Variants in SLC26A11 observed in about 807,000 individuals in gnomAD.
The protein encoded by SLC26A11 is sodium-independent sulfate anion transporter.
SLC26A11 carries 58 observed loss-of-function variants against 62.2 expected under a neutral mutation model. The ratio of observed to expected loss-of-function variants is 0.93; its 90% CI spans 0.76 to 1.16. The LOEUF is 1.16. Among genes scored for constraint, SLC26A11 ranks in the 50% most tolerant of loss-of-function variants. The pLI is 0.00. For synonymous variants in SLC26A11, 411 were observed against 368.9 expected (o/e 1.11, Z -1.31); for missense variants, 790 against 794.3 (o/e 0.99, Z 0.06).
At chr17:80,224,154 A>C (rs2042299835) in intron 5 of SLC26A11, among the ~76,000 whole-genome samples, 1 of 152,200 alleles carries the variant, frequency 6.6e-6, no homozygotes, top group African/African-American at 2.4e-5. Context: ...TACCATGAGA[A>C]GACCAAGGAC....
rs917286975 is a variant in SLC26A11 at position 80,235,808 on chromosome 17, C to T, written c.737-1120C>T. 3.3e-5 allele frequency among the ~76,000 whole-genome samples: 5 copies of T among 152,194 alleles called. No individual in the cohort carries two copies. In the South Asian group the frequency reaches 6.2e-4, roughly 19 times the overall value. ...TACAGTTAAGTTACTTAGGACAGTTCGATCCATTTAGGTCTTACTTTTAAG... is the reference window on the plus strand; with the variant it reads ...TACAGTTAAGTTACTTAGGACAGTTTGATCCATTTAGGTCTTACTTTTAAG... On this transcript the variant is annotated intron_variant, in intron 7 of 17. Transcript: ENST00000361193.
intron 9 of SLC26A11, among the ~76,000 whole-genome samples, chr17:80,239,887 C>G (rs956474617): frequency 6.6e-6 from 1 of 152,238 alleles, no homozygotes; most frequent in African/African-American, 2.4e-5. Flanking sequence ...TATATGAAAT[C>G]CAGATCTCAT....
intron 6 of SLC26A11, 85 bp from the exon 7 acceptor site, chr17:80,227,733 C>T (rs2042449147): frequency 6.5e-7 from 1 of 1,530,990 alleles, no homozygotes; most frequent in Non-Finnish European, 8.8e-7. Context: ...CTTAGTGCCT[C>T]TCAGCTTAAG....
At chr17:80,240,675 C>A (rs1451565396) in intron 9 of SLC26A11, among the ~76,000 whole-genome samples, 1 of 151,852 alleles carries the variant, frequency 6.6e-6, no homozygotes, top group African/African-American at 2.4e-5. Context: ...TGGTGGCATG[C>A]CCCTGTAGTC....
At chr17:80,224,720 T>A (rs1352123821) in intron 5 of SLC26A11, among the ~76,000 whole-genome samples, 3 of 152,154 alleles carry the variant, frequency 2.0e-5, no homozygotes, top group Non-Finnish European at 4.4e-5. Context: ...AACATCATTT[T>A]TGGTGTCAAG....
intron 11 of SLC26A11, chr17:80,245,486 AC>A (rs905477590): frequency 1.9e-6 from 1 of 538,418 alleles, no homozygotes; most frequent in African/African-American, 1.9e-5. Context: ...GCATTGTGGT[AC>A]ACCCTTGTTA....
At chr17:80,236,666 T>C in intron 7 of SLC26A11, 1 of 434,576 alleles carries the variant, frequency 2.3e-6, no homozygotes, top group East Asian at 3.5e-5. Flanking sequence ...TTTGCCGCGG[T>C]GCACGATGTC....
chr17:80,224,309 G>GAC (rs1491287146), intron 5 of SLC26A11, among the ~76,000 whole-genome samples: 2 of 142,538 alleles, frequency 1.4e-5, no homozygotes, highest in Non-Finnish European at 3.0e-5. Flanking sequence ...GTGTGTGTGT[G>GAC]AGAGAGTGTG....
intron 17 of SLC26A11, 148 bp downstream of exon 17, chr17:80,251,549 G>A: frequency 9.9e-7 from 1 of 1,013,054 alleles, no homozygotes; most frequent in Non-Finnish European, 1.4e-6. Context: ...GATCACCTGA[G>A]GTCAGGAGTT....
In SLC26A11 at chr17:80,246,228, C is replaced by A. The variant is rs927937230; in HGVS notation, c.1153+19C>A. 6.2e-7 allele frequency: 1 copy of A among 1,604,550 alleles called. No homozygotes were observed. On this transcript the variant is annotated intron_variant, in intron 12 of 17. Coordinates refer to ENST00000361193, the MANE Select transcript of SLC26A11 (RefSeq NM_001166347.2). This position sits in a 1 kb window ranked among gnomAD's most constrained non-coding sequence, Gnocchi z 4.4. ...GTGACGGGTAAGGCCCCCCATCTTC[C>A]CCTTGTGCCCGCAGCCCTGAGAGTG...
Position 80,221,632 on chromosome 17 carries a change from C to G in SLC26A11, c.72C>G (p.Cys24Trp). 6.2e-7 allele frequency: 1 copy of G among 1,611,362 alleles called. No individual in the cohort carries two copies. Among genetic ancestry groups the G allele is most frequent in the Non-Finnish European group, 8.5e-7 (1 of 1,179,840 alleles). The stretch of plus-strand genomic sequence containing the variant: ...CCGGGATGGCCCCGAGCGCCTGCTG[C>G]TGCTCCCCTGCGGCCCTGCAGAGGA... ...SGPGMAPSAC[C>W]CSPAALQRRL... Residue 24 changes from cysteine to tryptophan, a missense_variant, in exon 3 of 18, where the codon TGC becomes TGG. Physicochemically the swap from Cys to Trp is radical, Grantham distance 215. Transcript: ENST00000361193.
intron 5 of SLC26A11, among the ~76,000 whole-genome samples, chr17:80,225,059 G>A (rs1382335085): frequency 1.3e-5 from 2 of 152,120 alleles, no homozygotes; most frequent in Admixed American, 1.3e-4. Flanking sequence ...GAACTAAAGT[G>A]CAAGCTGTGC....
Position 80,237,100 on chromosome 17 carries a change from G to A in SLC26A11, c.909G>A (p.Val303=), listed in dbSNP as rs764693611. The change falls in exon 8 of 18, where the codon GTG becomes GTA. Residue 303 remains valine (V), a synonymous_variant. Transcript: ENST00000361193. ...ANGTISFTEM[V]QDMGAGLAVV... is the part of the protein sequence containing the mutation. ...GGACGATCTCCTTCACCGAGATGGT[G>A]CAGGTGGGCGGAGCCGGGAGGCAGG... is the stretch of plus-strand genomic sequence containing the variant. 37 of 1,608,184 alleles carry A rather than the reference G, an allele frequency of 2.3e-5. No homozygotes were observed. The South Asian group carries it at 3.6e-4, about 16-fold the overall frequency.
chr17:80,240,866 G>T (rs12952793), intron 9 of SLC26A11, among the ~76,000 whole-genome samples: 106,379 of 151,996 alleles, frequency 0.7, 37,749 homozygotes, highest in East Asian at 0.97. Flanking sequence ...ATCCCAACAC[G>T]TTGGGAGGCC....
rs1272194496 is a variant in SLC26A11, at chr17:80,223,196, T to C, written c.428-56T>C. On this transcript the variant is annotated intron_variant, in intron 4 of 17. Coordinates refer to ENST00000361193, the MANE Select transcript of SLC26A11 (RefSeq NM_001166347.2). The surrounding 1 kb of genome is among the most constrained non-coding windows in gnomAD (Gnocchi z 4.6). ...CTTCCCCAGCTCACATCTCCCCTCATCCTCTGGGACTGGGTGGAGCCGGGA... is the reference window on the plus strand; with the variant it reads ...CTTCCCCAGCTCACATCTCCCCTCACCCTCTGGGACTGGGTGGAGCCGGGA... 6.6e-7 allele frequency: 1 copy of C among 1,518,050 alleles called. No homozygotes were observed. Among genetic ancestry groups the C allele is most frequent in the Non-Finnish European group, 9.1e-7 (1 of 1,094,966 alleles). 94.0% of individuals were successfully genotyped at this position (1,518,050 alleles called of 1,614,324 possible).
rs2043181701 is a variant in SLC26A11 at position 80,252,491 on chromosome 17, G to T, written c.1730-134G>T. 2 of 671,110 alleles carry T rather than the reference G, an allele frequency of 3.0e-6. No individual in the cohort carries two copies. Among genetic ancestry groups the T allele is most frequent in the South Asian group, 1.9e-5 (1 of 52,800 alleles). The allele number at this position is 671,110 out of a possible 1,614,324, so 41.6% of individuals were successfully genotyped here. A position where few individuals can be genotyped will look rare whatever the true frequency, so the allele number is the denominator to read the frequency against. ...GACCCTCATGGAGTTAGTGACACTG[G>T]CCTGGGTGGCCCACAGCTCCTTCCT... On this transcript the variant is annotated intron_variant, in intron 17 of 17. Coordinates refer to ENST00000361193, the MANE Select transcript of SLC26A11 (RefSeq NM_001166347.2). The surrounding 1 kb of genome is among the most constrained non-coding windows in gnomAD (Gnocchi z 5.2).
In SLC26A11 at chr17:80,248,395, C is replaced by T. The variant is rs1365806471; in HGVS notation, c.1422+138C>T. On this transcript the variant is annotated intron_variant, in intron 14 of 17. Coordinates refer to ENST00000361193, the MANE Select transcript of SLC26A11 (RefSeq NM_001166347.2). ...CCGCTCGCTGGCAGGTGGGCAGTCACCTTGCTATAAACCATGGTGTTCTCC... is the reference window on the plus strand; with the variant it reads ...CCGCTCGCTGGCAGGTGGGCAGTCATCTTGCTATAAACCATGGTGTTCTCC... 3.0e-6 allele frequency: 4 copies of T among 1,350,838 alleles called. No homozygotes were observed. In the African/African-American group the frequency reaches 5.8e-5, roughly 20 times the overall value. 83.7% of individuals were successfully genotyped at this position (1,350,838 alleles called of 1,614,324 possible).
intron 10 of SLC26A11, among the ~76,000 whole-genome samples, chr17:80,244,911 G>A (rs1028722183): frequency 1.3e-5 from 2 of 149,416 alleles, no homozygotes; most frequent in Admixed American, 6.8e-5. Context: ...GGAGGCGGAG[G>A]CTGCAGTGAG....
Position 80,248,562 on chromosome 17 carries a change from C to A in SLC26A11, c.1423-13C>A. ...CGGTCAGACCCGCCTCCAGGACTCACTCCTCCCCACAGGTGTCAGAGGGGC... is the reference window on the plus strand; with the variant it reads ...CGGTCAGACCCGCCTCCAGGACTCAATCCTCCCCACAGGTGTCAGAGGGGC... On this transcript the variant is annotated splice_polypyrimidine_tract_variant and intron_variant, in intron 14 of 17. Coordinates refer to ENST00000361193, the MANE Select transcript of SLC26A11 (RefSeq NM_001166347.2). The A allele has an allele frequency of 1.3e-6, 2 of 1,564,008 alleles. No homozygotes were observed. The highest frequency in any genetic ancestry group is 1.7e-6 in the Non-Finnish European group (2 of 1,154,482).
Sources: allele counts gnomAD v4.1 joint callset (sites outside exome capture counted in the v4.1 genomes callset), GRCh38; gene constraint gnomAD v4.1.1; non-coding constraint Gnocchi (gnomAD v3.1); transcripts MANE v1.5; gene names NCBI Gene and HGNC (gene_info 2026-07-23, HGNC 2026-07-21).